SCRN1: variants seen among roughly 807,000 people sequenced by gnomAD.
SCRN1 encodes secernin-1.
In SCRN1, 19 loss-of-function variants were observed where a neutral mutation model predicts 43.3. That is an observed-to-expected ratio of 0.44 (90% CI 0.31 to 0.64). SCRN1 has a LOEUF of 0.64. Among genes scored for constraint, SCRN1 ranks in the 30% least tolerant of loss-of-function variants. The pLI, the probability that SCRN1 is intolerant of heterozygous loss-of-function variation, is 0.09. For synonymous variants in SCRN1, 183 were observed against 188.9 expected (o/e 0.97, Z 0.26); for missense variants, 447 against 524.1 (o/e 0.85, Z 1.44).
intron 6 of SCRN1, 91 bp from the exon 7 acceptor site, chr7:29,926,723 A>G: frequency 3.5e-6 from 3 of 868,900 alleles, no homozygotes; most frequent in East Asian, 4.1e-5. Flanking sequence ...ACATTTCCCA[A>G]GCCAACTTAT....
At position 29,921,148 on chromosome 7, in the gene SCRN1, T is replaced by C. The variant is rs1000829981; in HGVS notation, c.*2809A>G. ...AGTGGGGGAGAGATTCTGTCCTTTC[T>C]GGCTATGGCTTCTTTCTGCACAAGC... On this transcript the variant is annotated 3_prime_UTR_variant, in exon 8 of 8. Coordinates refer to ENST00000242059, the MANE Select transcript of SCRN1 (RefSeq NM_014766.5). The C allele has an allele frequency of 6.5e-6, 1 of 152,694 alleles. No homozygotes were observed. Among genetic ancestry groups the C allele is most frequent in the Non-Finnish European group, 1.5e-5 (1 of 68,066 alleles). 9.5% of individuals were successfully genotyped at this position (152,694 alleles called of 1,614,324 possible).
chr7:29,920,903 C>A lies in SCRN1; in HGVS notation c.*3054G>T, dbSNP rs4662. The A allele has an allele frequency of 0.35, 52,653 of 152,122 alleles. 9,371 individuals are homozygous for A. The highest frequency in any genetic ancestry group is 0.41 in the African/African-American group (16,933 of 41,460). 9.4% of individuals were successfully genotyped at this position (152,122 alleles called of 1,614,324 possible). On this transcript the variant is annotated 3_prime_UTR_variant, in exon 8 of 8. Coordinates refer to ENST00000242059, the MANE Select transcript of SCRN1 (RefSeq NM_014766.5). The stretch of plus-strand genomic sequence containing the variant: ...ATAAGAAAGACTCGTTCTAATAACA[C>A]CAGGTCTTATATTATTGAGCACTAA...
At chr7:29,990,101 C>T (rs973500110), upstream of SCRN1, 2 of 1,545,114 alleles carry the variant, frequency 1.3e-6, no homozygotes, top group Non-Finnish European at 8.7e-7. Flanking sequence ...ATCCTTTTGG[C>T]GCCTCTTCCC....
In SCRN1 at chr7:29,921,857, A is replaced by C. The variant is rs144848816; in HGVS notation, c.*2100T>G. ...AATTCTTACTAGACTTCTTTTGATC[A>C]AATCCTGAATCACCTTGGTTATCTC... is the stretch of plus-strand genomic sequence containing the variant. On this transcript the variant is annotated 3_prime_UTR_variant, in exon 8 of 8. Transcript: ENST00000242059. 97 of 152,340 alleles carry C rather than the reference A, an allele frequency of 6.4e-4. 2 individuals carry two copies. The highest frequency in any genetic ancestry group is 2.2e-3 in the African/African-American group (92 of 41,572). The allele number at this position is 152,340 out of a possible 1,614,324, so 9.4% of individuals were successfully genotyped here.
intron 4 of SCRN1, 82 bp downstream of exon 4, chr7:29,943,895 G>T: frequency 1.5e-6 from 2 of 1,307,086 alleles, no homozygotes; most frequent in Non-Finnish European, 2.2e-6. Context: ...CTTTCTTCCA[G>T]GTCTGACACT....
intron 1 of SCRN1, among the ~76,000 whole-genome samples, chr7:29,972,987 C>T (rs1227096282): frequency 6.6e-6 from 1 of 152,130 alleles, no homozygotes; most frequent in Non-Finnish European, 1.5e-5. Flanking sequence ...CCCAAAGAAA[C>T]CCAGAAATGA....
Position 29,989,663 on chromosome 7 carries a change from T to TCCGGGCG in SCRN1, c.-24_-23insCGCCCGG, listed in dbSNP as rs1789297527. On this transcript the variant is annotated 5_prime_UTR_variant, in exon 1 of 8. Coordinates refer to ENST00000242059, the MANE Select transcript of SCRN1 (RefSeq NM_014766.5). Reference sequence around the variant, plus strand: ...TCACCTGGGGCGGCGGGCTCCGGGCTCCGCTCTCCGCTCTGCGGTGCTGAG... The same window carrying TCCGGGCG: ...TCACCTGGGGCGGCGGGCTCCGGGCTCCGGGCGCCGCTCTCCGCTCTGCGGTGCTGAG... The TCCGGGCG allele has an allele frequency of 1.0e-6, 1 of 985,604 alleles. No individual in the cohort carries two copies. The allele number at this position is 985,604 out of a possible 1,614,324, so 61.1% of individuals were successfully genotyped here. A position where few individuals can be genotyped will look rare whatever the true frequency, so the allele number is the denominator to read the frequency against.
chr7:29,927,199 G>A (rs1372910643), intron 6 of SCRN1, among the ~76,000 whole-genome samples: 2 of 152,178 alleles, frequency 1.3e-5, no homozygotes, highest in South Asian at 4.1e-4. Context: ...GTCTGGTTGT[G>A]TGAGAGAGCT....
intron 7 of SCRN1, among the ~76,000 whole-genome samples, chr7:29,925,928 T>G (rs187165693): frequency 2.4e-4 from 37 of 151,330 alleles, no homozygotes; most frequent in African/African-American, 9.0e-4. Context: ...GTAAAACATA[T>G]GTATTATAAC....
In SCRN1 at chr7:29,965,483, G is replaced by A. The variant is rs1009455557; in HGVS notation, c.159+3426C>T. Among the ~76,000 whole-genome samples, 1 of 152,176 alleles carries A rather than the reference G, an allele frequency of 6.6e-6. No individual in the cohort carries two copies. The highest frequency in any genetic ancestry group is 1.5e-5 in the Non-Finnish European group (1 of 68,038). On this transcript the variant is annotated intron_variant, in intron 2 of 7. Coordinates refer to ENST00000242059, the MANE Select transcript of SCRN1 (RefSeq NM_014766.5). This position sits in a 1 kb window ranked among gnomAD's most constrained non-coding sequence, Gnocchi z 4.2. Reference sequence around the variant, plus strand: ...ACAGCTGTCCCTGTGCATTGGGGATGGGGGAAGTGAGGGTCGACGTTTCCC... The same window carrying A: ...ACAGCTGTCCCTGTGCATTGGGGATAGGGGAAGTGAGGGTCGACGTTTCCC...
chr7:29,935,950 C>T (rs530730799), intron 6 of SCRN1, among the ~76,000 whole-genome samples: 1 of 152,290 alleles, frequency 6.6e-6, no homozygotes, highest in East Asian at 1.9e-4. Flanking sequence ...TGGCAAAGGT[C>T]GGATTCACAA....
intron 6 of SCRN1, among the ~76,000 whole-genome samples, chr7:29,933,291 C>T (rs1396004129): frequency 6.6e-6 from 1 of 152,164 alleles, no homozygotes; most frequent in Non-Finnish European, 1.5e-5. Context: ...TGGCATTTGC[C>T]AATTTCTGTA....
At chr7:29,962,038 T>C (rs1788339058) in intron 2 of SCRN1, among the ~76,000 whole-genome samples, 1 of 151,662 alleles carries the variant, frequency 6.6e-6, no homozygotes, top group African/African-American at 2.4e-5. Context: ...TTTTCCATGG[T>C]TTTTGCATGT....
chr7:29,977,101 A>C (rs1323763239), intron 1 of SCRN1, among the ~76,000 whole-genome samples: 1 of 152,232 alleles, frequency 6.6e-6, no homozygotes, highest in Non-Finnish European at 1.5e-5. Flanking sequence ...TACCCATTGA[A>C]AAGAAAGCCT....
intron 3 of SCRN1, among the ~76,000 whole-genome samples, chr7:29,951,479 G>T (rs1333603513): frequency 6.6e-6 from 1 of 152,184 alleles, no homozygotes; most frequent in Non-Finnish European, 1.5e-5. Flanking sequence ...TTTCCGGCTG[G>T]AAAAGCAACA....
intron 2 of SCRN1, among the ~76,000 whole-genome samples, chr7:29,961,864 T>C (rs535072066): frequency 6.6e-6 from 1 of 152,286 alleles, no homozygotes; most frequent in East Asian, 1.9e-4. Flanking sequence ...CTTACTCTTC[T>C]AGTCTTAAAT....
chr7:29,923,419 C>A lies in SCRN1; in HGVS notation c.*538G>T, dbSNP rs1381899524. ...TCTTCCTTCCAATTGGTTCTGCCCCCCAGAAGACACCTGTAGAGACACTGT... is the reference window on the plus strand; with the variant it reads ...TCTTCCTTCCAATTGGTTCTGCCCCACAGAAGACACCTGTAGAGACACTGT... On this transcript the variant is annotated 3_prime_UTR_variant, in exon 8 of 8. Transcript: ENST00000242059. The A allele has an allele frequency of 1.3e-5, 2 of 152,410 alleles. No homozygotes were observed. The highest frequency in any genetic ancestry group is 2.9e-5 in the Non-Finnish European group (2 of 68,260). 9.4% of individuals were successfully genotyped at this position (152,410 alleles called of 1,614,324 possible).
At chr7:29,972,795 A>T (rs1056424651) in intron 1 of SCRN1, among the ~76,000 whole-genome samples, 1 of 152,204 alleles carries the variant, frequency 6.6e-6, no homozygotes, top group Non-Finnish European at 1.5e-5. Flanking sequence ...TTCTACAATG[A>T]TGGAAATGTT....
intron 3 of SCRN1, among the ~76,000 whole-genome samples, chr7:29,944,865 C>A (rs1787681583): frequency 6.6e-6 from 1 of 152,056 alleles, no homozygotes. Context: ...AAAACCACCC[C>A]TCTGTGGCAT....
Sources: allele counts gnomAD v4.1 joint callset (sites outside exome capture counted in the v4.1 genomes callset), GRCh38; gene constraint gnomAD v4.1.1; non-coding constraint Gnocchi (gnomAD v3.1); transcripts MANE v1.5; gene names NCBI Gene and HGNC (gene_info 2026-07-23, HGNC 2026-07-21).